CPED1: variants seen among roughly 807,000 people sequenced by gnomAD.
CPED1 encodes the protein cadherin like and PC-esterase domain containing 1.
Under a neutral mutation model 128.2 loss-of-function variants are expected in CPED1, and 114 were observed. That is an observed-to-expected ratio of 0.89 (90% confidence interval 0.76 to 1.04). The LOEUF (loss-of-function observed/expected upper bound fraction) is 1.04, where lower values mean the gene tolerates loss of function less well. Ranked by LOEUF, CPED1 falls within the 50% of genes least tolerant of loss-of-function variation. The pLI is 0.00. For synonymous variants in CPED1, 462 were observed against 426.7 expected (o/e 1.08, Z -1.02); for missense variants, 1,211 against 1,207.1 (o/e 1.00, Z -0.05).
chr7:121,136,208 T>G, intron 14 of CPED1, 118 bp downstream of exon 14: 1 of 987,662 alleles, frequency 1.0e-6, no homozygotes, highest in Non-Finnish European at 1.5e-6. Context: ...ATTGTTAAAG[T>G]AAATTTTAGA....
intron 3 of CPED1, among the ~76,000 whole-genome samples, chr7:121,038,748 C>A (rs1028547477): frequency 6.6e-6 from 1 of 151,984 alleles, no homozygotes; most frequent in Non-Finnish European, 1.5e-5. Flanking sequence ...GTTTCTCAGA[C>A]TTTCCATTTT....
At chr7:121,132,374 C>A (rs1272639996) in intron 12 of CPED1, among the ~76,000 whole-genome samples, 1 of 152,006 alleles carries the variant, frequency 6.6e-6, no homozygotes, top group Admixed American at 6.6e-5. Context: ...CTTATCTTCT[C>A]AATGGTTACC....
chr7:121,256,129 C>CAAA (rs201393067), intron 18 of CPED1, among the ~76,000 whole-genome samples: 12 of 101,240 alleles, frequency 1.2e-4, no homozygotes, highest in Non-Finnish European at 1.9e-4. Flanking sequence ...AAAAACAAAA[C>CAAA]AAAAAAAAAA....
At chr7:121,181,424 A>G (rs1796894632) in intron 16 of CPED1, among the ~76,000 whole-genome samples, 1 of 152,138 alleles carries the variant, frequency 6.6e-6, no homozygotes, top group Admixed American at 6.6e-5. Flanking sequence ...ATTAAATCAT[A>G]TTAGAATCTC....
intron 16 of CPED1, among the ~76,000 whole-genome samples, chr7:121,236,138 C>T (rs1008374806): frequency 1.3e-5 from 2 of 152,166 alleles, no homozygotes; most frequent in Admixed American, 6.5e-5. Context: ...AGATGCAATA[C>T]ACTATCGTTC....
At chr7:121,063,107 G>C (rs2192288) in intron 4 of CPED1, among the ~76,000 whole-genome samples, 100,727 of 151,970 alleles carry the variant, frequency 0.66, 36,207 homozygotes, top group East Asian at 0.94. Flanking sequence ...ACAATAATAG[G>C]TTCTGCTGAA....
intron 5 of CPED1, among the ~76,000 whole-genome samples, chr7:121,073,147 A>G (rs1000113775): frequency 6.6e-6 from 1 of 152,210 alleles, no homozygotes; most frequent in Admixed American, 6.5e-5. Context: ...CAGTCAATTA[A>G]CACATACTTT....
chr7:121,023,408 T>C (rs1336185459), intron 3 of CPED1, among the ~76,000 whole-genome samples: 1 of 152,044 alleles, frequency 6.6e-6, no homozygotes, highest in African/African-American at 2.4e-5. Flanking sequence ...GAACAAAAAG[T>C]AGGAAGTTTG....
chr7:121,258,819 G>A (rs1168848674), intron 18 of CPED1, among the ~76,000 whole-genome samples: 1 of 152,028 alleles, frequency 6.6e-6, no homozygotes, highest in Non-Finnish European at 1.5e-5. Context: ...ATTTTTAACA[G>A]TGAGAATCCA....
intron 3 of CPED1, among the ~76,000 whole-genome samples, chr7:121,024,693 A>T (rs1040580341): frequency 6.6e-6 from 1 of 152,178 alleles, no homozygotes; most frequent in Non-Finnish European, 1.5e-5. Flanking sequence ...GTATGTCTTT[A>T]AAATGGAAAA....
At chr7:121,047,701 T>TCCTCCTCCTCC (rs1793244556) in intron 4 of CPED1, among the ~76,000 whole-genome samples, 1 of 37,740 alleles carries the variant, frequency 2.6e-5, no homozygotes, top group African/African-American at 8.8e-5. Flanking sequence ...CTTCTTCTTC[T>TCCTCCTCCTCC]TCTTCTTCTT....
At chr7:121,042,768 A>G (rs1175160116) in intron 3 of CPED1, among the ~76,000 whole-genome samples, 1 of 152,230 alleles carries the variant, frequency 6.6e-6, no homozygotes, top group African/African-American at 2.4e-5. Context: ...AATATTTGGC[A>G]CATTGTAAGT....
intron 16 of CPED1, among the ~76,000 whole-genome samples, chr7:121,214,877 T>A (rs1458568854): frequency 6.6e-6 from 1 of 152,062 alleles, no homozygotes; most frequent in East Asian, 1.9e-4. Flanking sequence ...CAGTGAGTAA[T>A]CTTTGAAAAA....
chr7:121,270,431 T>C (rs1160146611), intron 21 of CPED1, among the ~76,000 whole-genome samples: 2 of 152,170 alleles, frequency 1.3e-5, no homozygotes, highest in Admixed American at 6.5e-5. Flanking sequence ...ACAATTGTTT[T>C]TGAGGTCTTG....
intron 7 of CPED1, among the ~76,000 whole-genome samples, chr7:121,100,483 C>T (rs192160344): frequency 1.2e-3 from 185 of 152,226 alleles, no homozygotes; most frequent in African/African-American, 4.2e-3. Context: ...CCTTAGGAAG[C>T]ATAATGCTAG....
chr7:121,111,508 T>G (rs1795107217), intron 7 of CPED1, among the ~76,000 whole-genome samples: 1 of 152,184 alleles, frequency 6.6e-6, no homozygotes, highest in Admixed American at 6.5e-5. Context: ...ATCACAAGTC[T>G]AATCTTTTGA....
chr7:121,226,873 C>T (rs536676099), intron 16 of CPED1, among the ~76,000 whole-genome samples: 50 of 152,050 alleles, frequency 3.3e-4, no homozygotes, highest in Non-Finnish European at 6.8e-4. Flanking sequence ...ACAATAGCTA[C>T]TCAGTATTTT....
intron 3 of CPED1, among the ~76,000 whole-genome samples, chr7:121,028,479 C>T (rs928294854): frequency 1.3e-5 from 2 of 152,160 alleles, no homozygotes; most frequent in Non-Finnish European, 2.9e-5. Context: ...TATGAGTTGA[C>T]TTGCAAAGTA....
At chr7:121,215,908 C>T (rs1451459965) in intron 16 of CPED1, among the ~76,000 whole-genome samples, 8 of 151,794 alleles carry the variant, frequency 5.3e-5, no homozygotes, top group African/African-American at 1.9e-4. Flanking sequence ...ATAATAATGA[C>T]AGTAATGGCA....
Sources: gnomAD v4.1 joint callset for allele counts (sites outside exome capture counted in the v4.1 genomes callset) on GRCh38, gnomAD v4.1.1 for gene constraint, MANE v1.5 for transcripts, NCBI Gene and HGNC (gene_info 2026-07-23, HGNC 2026-07-21) for gene names.